CDH10: variants seen among roughly 807,000 people sequenced by gnomAD.
CDH10 encodes the protein cadherin 10.
A neutral mutation model predicts 73.1 loss-of-function variants in CDH10; 30 were observed. The observed-to-expected ratio is 0.41, with a 90% CI of 0.31 to 0.56. The LOEUF is 0.56. CDH10 is among the 20% of genes least tolerant of loss of function. The pLI is 0.27. For synonymous variants in CDH10, 345 were observed against 348.2 expected (o/e 0.99, Z 0.10); for missense variants, 815 against 973.7 (o/e 0.84, Z 2.17).
intron 7 of CDH10, among the ~76,000 whole-genome samples, chr5:24,505,828 C>A (rs1478657717): frequency 6.6e-6 from 1 of 151,954 alleles, no homozygotes; most frequent in Non-Finnish European, 1.5e-5. Context: ...ATAGAAAAGT[C>A]TGGATGGCCG....
At chr5:24,488,721 A>C (rs866919593) in intron 11 of CDH10, among the ~76,000 whole-genome samples, 3 of 152,048 alleles carry the variant, frequency 2.0e-5, no homozygotes, top group African/African-American at 4.8e-5. Flanking sequence ...TGGAAAAAAA[A>C]CAGATTAGTT....
At chr5:24,545,355 A>C (rs1434201315) in intron 2 of CDH10, among the ~76,000 whole-genome samples, 1 of 152,246 alleles carries the variant, frequency 6.6e-6, no homozygotes, top group Non-Finnish European at 1.5e-5. Flanking sequence ...TTTAAAAGCA[A>C]GAGATTCATT....
At chr5:24,643,998 T>C (rs1748137379) in intron 1 of CDH10, among the ~76,000 whole-genome samples, 1 of 152,156 alleles carries the variant, frequency 6.6e-6, no homozygotes, top group South Asian at 2.1e-4. Flanking sequence ...GATATAAAAT[T>C]GAAAATAAGA....
chr5:24,544,034 G>A (rs1411443607), intron 2 of CDH10, among the ~76,000 whole-genome samples: 1 of 152,100 alleles, frequency 6.6e-6, no homozygotes, highest in Non-Finnish European at 1.5e-5. Flanking sequence ...GGTGGCTTAC[G>A]CCTGTAATCC....
chr5:24,505,152 T>G lies in CDH10; in HGVS notation c.1353A>C (p.Leu451=), dbSNP rs149199529. The G allele has an allele frequency of 6.2e-7, 1 of 1,612,382 alleles. No homozygotes were observed. Among genetic ancestry groups the G allele is most frequent in the South Asian group, 1.1e-5 (1 of 91,044 alleles). ...LYTSKPLDRE[L]SQWHNLTVIA... Reference sequence around the variant, plus strand: ...TAACAGTAAGATTATGCCACTGAGATAGTTCACGGTCAAGAGGTTTTGATG... The same window carrying G: ...TAACAGTAAGATTATGCCACTGAGAGAGTTCACGGTCAAGAGGTTTTGATG... Residue 451 remains leucine (L), a synonymous_variant, in exon 8 of 12, where the codon CTA becomes CTC. Transcript: ENST00000264463.
chr5:24,618,407 G>A (rs1432309795), intron 1 of CDH10, among the ~76,000 whole-genome samples: 2 of 152,090 alleles, frequency 1.3e-5, no homozygotes, highest in Non-Finnish European at 2.9e-5. Flanking sequence ...TTAACAAGAT[G>A]TTTACTTAAT....
chr5:24,541,730 T>C (rs1744166272), intron 2 of CDH10, among the ~76,000 whole-genome samples: 1 of 152,150 alleles, frequency 6.6e-6, no homozygotes, highest in South Asian at 2.1e-4. Context: ...GAAACATTTG[T>C]GTCACACATT....
rs1416765148 is a variant in CDH10 at position 24,509,797 on chromosome 5, C to T, written c.1025G>A (p.Arg342Lys). The T allele has an allele frequency of 6.8e-6, 11 of 1,609,734 alleles. No individual in the cohort carries two copies. The highest frequency in any genetic ancestry group is 1.3e-5 in the African/African-American group (1 of 74,644). ...TGCTTCGACTTTCAGAGTATAAAGTCTTCGGCTCTCATAGTCGAGTGGCTG... is the reference window on the plus strand; with the variant it reads ...TGCTTCGACTTTCAGAGTATAAAGTTTTCGGCTCTCATAGTCGAGTGGCTG... ...VKKPLDYESR[R>K]LYTLKVEAEN... The change falls in exon 7 of 12, where the codon AGA (arginine) becomes AAA (lysine). Residue 342 changes from arginine (R) to lysine (K), a missense_variant. Physicochemically the swap from Arg to Lys is conservative, Grantham distance 26. Around this residue, in one of 3 missense-constraint regions of CDH10, gnomAD observed 516 missense variants for 636.6 expected, o/e 0.81. Coordinates refer to ENST00000264463, the MANE Select transcript of CDH10 (RefSeq NM_006727.5).
intron 5 of CDH10, among the ~76,000 whole-genome samples, chr5:24,518,508 G>A (rs1173053449): frequency 2.0e-5 from 3 of 151,898 alleles, no homozygotes; most frequent in Non-Finnish European, 1.5e-5. Flanking sequence ...TACATATGTG[G>A]ATATATAATG....
rs1249602021 is a variant in CDH10, at chr5:24,537,452, C to A, written c.454G>T (p.Asp152Tyr). Residue 152 changes from aspartate (D) to tyrosine (Y), a missense_variant, in exon 3 of 12, where the codon GAT (aspartate) becomes TAT (tyrosine). Physicochemically the swap from Asp to Tyr is radical, Grantham distance 160. Coordinates refer to ENST00000264463, the MANE Select transcript of CDH10 (RefSeq NM_006727.5). Reference sequence around the variant, plus strand: ...AACGTTGGCTCATTGTCATTGATATCATGAATTTTGATCACAAACTCTGAC... The same window carrying A: ...AACGTTGGCTCATTGTCATTGATATAATGAATTTTGATCACAAACTCTGAC... ...PESEFVIKIH[D>Y]INDNEPTFPE... 1 of 1,612,634 alleles carries A rather than the reference C, an allele frequency of 6.2e-7. No individual in the cohort carries two copies. The highest frequency in any genetic ancestry group is 1.3e-5 in the African/African-American group (1 of 74,948).
intron 2 of CDH10, among the ~76,000 whole-genome samples, chr5:24,563,188 T>G (rs536309447): frequency 6.6e-6 from 1 of 152,218 alleles, no homozygotes; most frequent in African/African-American, 2.4e-5. Flanking sequence ...ATTTGAAGAT[T>G]TAGGTGACTG....
At chr5:24,608,185 G>C (rs16893629) in intron 1 of CDH10, among the ~76,000 whole-genome samples, 4 of 152,140 alleles carry the variant, frequency 2.6e-5, no homozygotes, top group Admixed American at 2.0e-4. Context: ...ATATGGAGCA[G>C]TAACAGTTTC....
intron 10 of CDH10, among the ~76,000 whole-genome samples, chr5:24,492,283 G>T (rs561833376): frequency 3.5e-4 from 54 of 152,314 alleles, no homozygotes; most frequent in African/African-American, 1.2e-3. Context: ...TAAATTTCAC[G>T]CATTGTTGCA....
intron 2 of CDH10, among the ~76,000 whole-genome samples, chr5:24,573,616 G>T (rs1313575745): frequency 1.3e-5 from 2 of 150,460 alleles, no homozygotes; most frequent in Non-Finnish European, 3.0e-5. Context: ...CAGGAGAATG[G>T]CGTGAACCCG....
chr5:24,544,071 G>A (rs10473691), intron 2 of CDH10, among the ~76,000 whole-genome samples: 1,539 of 152,206 alleles, frequency 0.01, 33 homozygotes, highest in African/African-American at 0.035. Flanking sequence ...CGAGGAAGGC[G>A]GATCATGAGG....
At chr5:24,563,037 A>G (rs1745017540) in intron 2 of CDH10, among the ~76,000 whole-genome samples, 1 of 152,188 alleles carries the variant, frequency 6.6e-6, no homozygotes, top group Non-Finnish European at 1.5e-5. Flanking sequence ...TCATAATCCA[A>G]TTACCATATT....
intron 9 of CDH10, 116 bp downstream of exon 9, chr5:24,498,282 G>T: frequency 1.9e-6 from 1 of 540,022 alleles, no homozygotes; most frequent in Non-Finnish European, 3.3e-6. Flanking sequence ...AAATTATATT[G>T]GGACTCTATA....
chr5:24,560,592 T>C (rs1744924606), intron 2 of CDH10, among the ~76,000 whole-genome samples: 1 of 152,082 alleles, frequency 6.6e-6, no homozygotes, highest in Admixed American at 6.6e-5. Context: ...GATTCTCAAA[T>C]TACAGCTTGT....
At chr5:24,596,645 T>C (rs1248043671) in intron 1 of CDH10, among the ~76,000 whole-genome samples, 1 of 151,986 alleles carries the variant, frequency 6.6e-6, no homozygotes, top group East Asian at 1.9e-4. Context: ...TAAAACATCA[T>C]TTTGTAATAT....
Sources: gnomAD v4.1 joint callset for allele counts (sites outside exome capture counted in the v4.1 genomes callset) on GRCh38, gnomAD v4.1.1 for gene constraint, gnomAD v4.1.1 regional missense constraint, MANE v1.5 for transcripts, NCBI Gene and HGNC (gene_info 2026-07-23, HGNC 2026-07-21) for gene names.